IFT140: variants seen among roughly 807,000 people sequenced by gnomAD.
IFT140 encodes the protein intraflagellar transport protein 140 homolog.
IFT140 carries 133 observed loss-of-function variants against 164.6 expected under a neutral mutation model. That is an observed-to-expected ratio of 0.81 (90% confidence interval 0.70 to 0.93). The LOEUF (loss-of-function observed/expected upper bound fraction) is 0.93. Ranked by LOEUF, IFT140 falls within the 40% of genes least tolerant of loss-of-function variation. The pLI is 0.00. For missense variants in IFT140, 2,045 were observed against 1,972.3 expected, an observed-to-expected ratio of 1.04 and a Z score of -0.70; for synonymous variants, 860 against 817.3, an observed-to-expected ratio of 1.05 and a Z score of -0.89.
chr16:1,592,075 C>T (rs1338650183), intron 6 of IFT140, 101 bp downstream of exon 6: 7 of 1,284,206 alleles, frequency 5.5e-6, no homozygotes, highest in African/African-American at 1.5e-5. Context: ...CTGCTATCAC[C>T]GTTACTGTTC....
chr16:1,563,727 G>A (rs568688312), intron 17 of IFT140, among the ~76,000 whole-genome samples: 9 of 152,284 alleles, frequency 5.9e-5, no homozygotes, highest in African/African-American at 2.2e-4. Context: ...TCTACTCCAC[G>A]TGAACGAATT....
intron 2 of IFT140, among the ~76,000 whole-genome samples, chr16:1,607,676 C>G (rs553789994): frequency 2.0e-5 from 3 of 152,366 alleles, no homozygotes; most frequent in Admixed American, 2.0e-4. Context: ...CCAAGTCTTG[C>G]TCTGTCACCC....
chr16:1,534,111 G>A (rs1374626066), intron 19 of IFT140: 14 of 815,538 alleles, frequency 1.7e-5, no homozygotes, highest in East Asian at 3.0e-5. Flanking sequence ...AGGCCGGGCC[G>A]AGAGGCGGCA....
intron 3 of IFT140, among the ~76,000 whole-genome samples, chr16:1,604,638 C>T (rs956918020): frequency 2.0e-5 from 3 of 152,084 alleles, no homozygotes; most frequent in African/African-American, 4.8e-5. Flanking sequence ...GCCTGGTTGC[C>T]GTGTAAAGTA....
In IFT140 at chr16:1,583,340, A is replaced by T. The variant is rs924912054; in HGVS notation, c.1406T>A (p.Leu469His). The change falls in exon 12 of 31, where the codon CTT becomes CAT. Residue 469 changes from leucine (L) to histidine (H), a missense_variant. By Grantham distance (99) the Leu-to-His change is moderately conservative. Transcript: ENST00000426508. ...WNGRQVAIFELSGAAIRSAGT... is the reference protein window; with the variant it reads ...WNGRQVAIFEHSGAAIRSAGT... ...TGCACTCCGTATCGCGGCTCCAGAA[A>T]GCTCGAAGATCGCCACCTGCCTTCC... The T allele has an allele frequency of 6.2e-7, 1 of 1,614,136 alleles. No individual in the cohort carries two copies. The highest frequency in any genetic ancestry group is 8.5e-7 in the Non-Finnish European group (1 of 1,180,016).
At chr16:1,540,739 G>A in intron 19 of IFT140, 1 of 734,674 alleles carries the variant, frequency 1.4e-6, no homozygotes, top group Non-Finnish European at 1.7e-6. Flanking sequence ...CCTGAAGAGT[G>A]CCCTGAAATT....
intron 19 of IFT140, among the ~76,000 whole-genome samples, chr16:1,554,525 G>A (rs2032932407): frequency 6.6e-6 from 1 of 152,164 alleles, no homozygotes; most frequent in Non-Finnish European, 1.5e-5. Flanking sequence ...CTCCACAGCC[G>A]CCAGAGCCTG....
At chr16:1,534,778 A>C (rs2030898101) in intron 19 of IFT140, among the ~76,000 whole-genome samples, 1 of 151,046 alleles carries the variant, frequency 6.6e-6, no homozygotes, top group Admixed American at 6.5e-5. Context: ...CCTCCTGCTC[A>C]GCACAGAATC....
intron 19 of IFT140, among the ~76,000 whole-genome samples, chr16:1,555,866 G>A (rs538871825): frequency 7.9e-5 from 12 of 152,314 alleles, no homozygotes; most frequent in African/African-American, 2.9e-4. Flanking sequence ...CACTTTGGGA[G>A]GCTGAGGCGG....
At chr16:1,513,822 C>T (rs1001823829) in intron 30 of IFT140, among the ~76,000 whole-genome samples, 23 of 149,702 alleles carry the variant, frequency 1.5e-4, no homozygotes, top group Admixed American at 5.3e-4. Context: ...TACAGGCGCC[C>T]ACCACCACAC....
At chr16:1,554,132 C>T (rs181323648) in intron 19 of IFT140, 39 of 1,287,086 alleles carry the variant, frequency 3.0e-5, no homozygotes, top group East Asian at 5.6e-5. Flanking sequence ...TGAGGGAAGA[C>T]ACCAGATATA....
At chr16:1,559,607 C>T (rs932044052) in intron 18 of IFT140, among the ~76,000 whole-genome samples, 4 of 152,220 alleles carry the variant, frequency 2.6e-5, no homozygotes, top group Admixed American at 6.5e-5. Context: ...AAACTAAGTA[C>T]TTCCTGTGTC....
rs762399912 is a variant in IFT140 at position 1,571,410 on chromosome 16, C to G, written c.1649G>C (p.Arg550Pro). 4.3e-6 allele frequency: 7 copies of G among 1,609,370 alleles called. No homozygotes were observed. In the Admixed American group the frequency reaches 6.8e-5, roughly 16 times the overall value. ...TCTATTTGGAAAAAAAATTTACCTTCGGGAAAGATCAAAGCTTTTAAAGTG... is the reference window on the plus strand; with the variant it reads ...TCTATTTGGAAAAAAAATTTACCTTGGGGAAAGATCAAAGCTTTTAAAGTG... ...LAHFKSFDLS[R>P]REAKAHCSCR... Residue 550 changes from arginine to proline, a missense_variant, in exon 14 of 31, where the codon CGA becomes CCA. Physicochemically the swap from Arg to Pro is moderately radical, Grantham distance 103 (BLOSUM62 -2). Transcript: ENST00000426508.
intron 4 of IFT140, among the ~76,000 whole-genome samples, chr16:1,599,649 TGG>T (rs1318857526): frequency 3.9e-4 from 4 of 10,350 alleles, no homozygotes; most frequent in Admixed American, 1.6e-3. Context: ...GGGAGGGAGG[TGG>T]GGGGGGTCAG....
rs754522590 is a variant in IFT140 at position 1,592,148 on chromosome 16, C to A, written c.634+28G>T. Reference sequence around the variant, plus strand: ...CAGACACCCCTAAAATGCTAGGACCCCTGAGAATCACAACCAAAGTTCCTC... The same window carrying A: ...CAGACACCCCTAAAATGCTAGGACCACTGAGAATCACAACCAAAGTTCCTC... On this transcript the variant is annotated intron_variant, in intron 6 of 30. Transcript: ENST00000426508. The A allele has an allele frequency of 7.4e-6, 12 of 1,613,486 alleles. No homozygotes were observed. In the East Asian group the frequency reaches 2.7e-4, roughly 36 times the overall value.
Position 1,611,293 on chromosome 16 carries a change from C to T in IFT140, c.-221-440G>A, listed in dbSNP as rs141075034. ...GCTGGGGCGGGCGGATCGTTGGAGC[C>T]CAGGAGTTCGAGACCAGCCTTGGCA... On this transcript the variant is annotated intron_variant, in intron 1 of 30. Coordinates refer to ENST00000426508, the MANE Select transcript of IFT140 (RefSeq NM_014714.4). Among the ~76,000 whole-genome samples the T allele has an allele frequency of 4.3e-3, 651 of 152,208 alleles. 7 individuals carry two copies. The highest frequency in any genetic ancestry group is 0.015 in the African/African-American group (624 of 41,542).
intron 3 of IFT140, among the ~76,000 whole-genome samples, chr16:1,605,525 C>T (rs988619640): frequency 6.6e-6 from 1 of 152,136 alleles, no homozygotes; most frequent in African/African-American, 2.4e-5. Context: ...CCTGCCTCAG[C>T]CTCCTGAGTA....
chr16:1,568,991 T>C (rs1311996881), intron 14 of IFT140, among the ~76,000 whole-genome samples: 1 of 151,516 alleles, frequency 6.6e-6, no homozygotes, highest in Non-Finnish European at 1.5e-5. Context: ...ACAAAGTATG[T>C]AGTGGTAGCT....
rs1030962166 is a variant in IFT140, at chr16:1,610,811, T to G, written c.-179A>C. On this transcript the variant is annotated 5_prime_UTR_variant, in exon 2 of 31. Coordinates refer to ENST00000426508, the MANE Select transcript of IFT140 (RefSeq NM_014714.4). ...AGCCGAAGGCGATCGGGCACGCACG[T>G]GCAGCTCCGAGGCCCGAGCGTCGGG... The G allele has an allele frequency of 6.5e-6, 1 of 153,618 alleles. No homozygotes were observed. Among genetic ancestry groups the G allele is most frequent in the Non-Finnish European group, 1.5e-5 (1 of 68,216 alleles). 9.5% of individuals were successfully genotyped at this position (153,618 alleles called of 1,614,324 possible). A position where few individuals can be genotyped will look rare whatever the true frequency, so the allele number is the denominator to read the frequency against.
Sources: gnomAD v4.1 joint callset for allele counts (sites outside exome capture counted in the v4.1 genomes callset) on GRCh38, gnomAD v4.1.1 for gene constraint, MANE v1.5 for transcripts, NCBI Gene and HGNC (gene_info 2026-07-23, HGNC 2026-07-21) for gene names.